SHISA6: variants seen among roughly 807,000 people sequenced by gnomAD.
SHISA6 encodes the protein protein shisa-6.
Under a neutral mutation model 47.9 loss-of-function variants are expected in SHISA6, and 22 were observed. That is an observed-to-expected ratio of 0.46 (90% confidence interval 0.33 to 0.66). The LOEUF (loss-of-function observed/expected upper bound fraction) is 0.66, where lower values mean the gene tolerates loss of function less well. Among genes scored for constraint, SHISA6 ranks in the 30% least tolerant of loss-of-function variants. The pLI is 0.02. For missense variants in SHISA6, 680 were observed against 764.6 expected (o/e 0.89, Z 1.30); for synonymous variants, 388 against 337.8 (o/e 1.15, Z -1.63).
At chr17:11,490,595 G>T (rs897767901) in intron 3 of SHISA6, among the ~76,000 whole-genome samples, 1 of 152,142 alleles carries the variant, frequency 6.6e-6, no homozygotes, top group South Asian at 2.1e-4. Flanking sequence ...GCCCACATGC[G>T]CTACTACGTT....
intron 3 of SHISA6, among the ~76,000 whole-genome samples, chr17:11,487,681 A>C (rs1447238680): frequency 6.6e-6 from 1 of 152,216 alleles, no homozygotes; most frequent in Admixed American, 6.5e-5. Context: ...GAAACATTTC[A>C]ATTTAGCAAT....
intron 3 of SHISA6, among the ~76,000 whole-genome samples, chr17:11,391,005 G>A (rs1209703690): frequency 1.3e-5 from 2 of 152,168 alleles, no homozygotes; most frequent in African/African-American, 4.8e-5. Context: ...TGAATGGACG[G>A]GTCCTAAATG....
intron 2 of SHISA6, among the ~76,000 whole-genome samples, chr17:11,347,518 A>ATT (rs1911740607): frequency 6.6e-6 from 1 of 152,222 alleles, no homozygotes; most frequent in African/African-American, 2.4e-5. Flanking sequence ...GTATTATCTT[A>ATT]TTAATACTTA....
chr17:11,444,328 T>TA lies in SHISA6; in HGVS notation c.895+64827dup, dbSNP rs550336873. Among the ~76,000 whole-genome samples the TA allele has an allele frequency of 1.7e-3, 261 of 151,162 alleles. 1 individual carries two copies. Among genetic ancestry groups the TA allele is most frequent in the Non-Finnish European group, 2.4e-3 (160 of 67,730 alleles). On this transcript the variant is annotated intron_variant, in intron 3 of 5. Coordinates refer to ENST00000441885, the MANE Select transcript of SHISA6 (RefSeq NM_207386.4). ...AGTGAGACTCCATAAAAAATAAAAG[T>TA]AAAAAAAAGAAAGAAAGGAAGGAGA...
At chr17:11,461,172 C>T (rs1036749788) in intron 3 of SHISA6, among the ~76,000 whole-genome samples, 2 of 152,158 alleles carry the variant, frequency 1.3e-5, no homozygotes, top group Non-Finnish European at 2.9e-5. Context: ...CGGAGGCAGG[C>T]GGATCACGAG....
rs1381081721 is a variant in SHISA6, at chr17:11,557,936, C to T, written c.1288C>T (p.Pro430Ser). The T allele has an allele frequency of 1.3e-6, 2 of 1,551,562 alleles. No individual in the cohort carries two copies. ...GGTCCTGTCCCCGGATCGGGGCCTG[C>T]CAGATGAGTTCAGCATGCCCTACGA... ...DRVLSPDRGL[P>S]DEFSMPYDRI... The change falls in exon 6 of 6, where the codon CCA (proline) becomes TCA (serine). Residue 430 changes from proline (P) to serine (S), a missense_variant. By Grantham distance (74) the Pro-to-Ser change is moderately conservative. Around this residue, in one of 2 missense-constraint regions of SHISA6, gnomAD observed 559 missense variants for 674.1 expected, o/e 0.83. Coordinates refer to ENST00000441885, the MANE Select transcript of SHISA6 (RefSeq NM_207386.4).
chr17:11,528,748 T>C (rs1280069065), intron 3 of SHISA6, among the ~76,000 whole-genome samples: 2 of 152,258 alleles, frequency 1.3e-5, no homozygotes, highest in South Asian at 2.1e-4. Flanking sequence ...AAGGAGATGC[T>C]TTTGGGCAAC....
intron 3 of SHISA6, among the ~76,000 whole-genome samples, chr17:11,544,961 CAA>C (rs374571214): frequency 2.7e-4 from 17 of 62,640 alleles, no homozygotes; most frequent in Non-Finnish European, 3.0e-4. Context: ...ACTCTCTCTC[CAA>C]AAAAAAAAAA....
chr17:11,473,345 T>G (rs1429122797), intron 3 of SHISA6, among the ~76,000 whole-genome samples: 1 of 152,118 alleles, frequency 6.6e-6, no homozygotes, highest in Non-Finnish European at 1.5e-5. Flanking sequence ...AGAATAGAAA[T>G]TTATTTGTTA....
chr17:11,397,895 C>T (rs373696556), intron 3 of SHISA6, among the ~76,000 whole-genome samples: 1 of 152,094 alleles, frequency 6.6e-6, no homozygotes, highest in East Asian at 1.9e-4. Flanking sequence ...TAGAGCCCCC[C>T]CTTAGGCATC....
At chr17:11,311,859 T>TC (rs1253767696) in intron 2 of SHISA6, among the ~76,000 whole-genome samples, 1 of 152,126 alleles carries the variant, frequency 6.6e-6, no homozygotes, top group East Asian at 1.9e-4. Flanking sequence ...CACTGCAAAC[T>TC]CCGTCTGCCG....
At chr17:11,316,570 G>A (rs1446150373) in intron 2 of SHISA6, among the ~76,000 whole-genome samples, 1 of 151,832 alleles carries the variant, frequency 6.6e-6, no homozygotes, top group East Asian at 1.9e-4. Flanking sequence ...ACAGGTGCGT[G>A]CCACCACGCC....
chr17:11,398,600 G>T (rs1047326417), intron 3 of SHISA6, among the ~76,000 whole-genome samples: 4 of 149,614 alleles, frequency 2.7e-5, no homozygotes, highest in Non-Finnish European at 2.9e-5. Flanking sequence ...TTGTTTTTTT[G>T]TTGTTTTTTT....
At chr17:11,275,250 C>T (rs1389255781) in intron 2 of SHISA6, among the ~76,000 whole-genome samples, 5 of 151,310 alleles carry the variant, frequency 3.3e-5, no homozygotes, top group Admixed American at 1.3e-4. Context: ...GCAAATGGCT[C>T]AGTTGTTCTA....
chr17:11,461,387 A>T (rs1210650415), intron 3 of SHISA6, among the ~76,000 whole-genome samples: 1 of 127,716 alleles, frequency 7.8e-6, no homozygotes, highest in Non-Finnish European at 1.6e-5. Flanking sequence ...ACAGAGCAAG[A>T]CTCCATCTCA....
intron 3 of SHISA6, among the ~76,000 whole-genome samples, chr17:11,537,355 C>T (rs1035056121): frequency 7.9e-5 from 12 of 151,816 alleles, no homozygotes; most frequent in African/African-American, 9.7e-5. Flanking sequence ...TACTGGGTGG[C>T]GGCGGGGGGG....
In SHISA6 at chr17:11,558,135, A is replaced by G; in HGVS notation, c.1487A>G (p.His496Arg). Reference protein sequence around the residue: ...VLDRYRMSKMHSHPSASNNSY... With the variant: ...VLDRYRMSKMRSHPSASNNSY... ...GACCGCTACCGCATGAGCAAGATGC[A>G]CTCTCATCCCAGTGCCTCCAATAAC... Residue 496 changes from histidine (H) to arginine (R), a missense_variant, in exon 6 of 6, where the codon CAC becomes CGC. His to Arg is a conservative substitution (Grantham distance 29, BLOSUM62 0). Coordinates refer to ENST00000441885, the MANE Select transcript of SHISA6 (RefSeq NM_207386.4). 1 of 1,550,944 alleles carries G rather than the reference A, an allele frequency of 6.4e-7. No individual in the cohort carries two copies. Among genetic ancestry groups the G allele is most frequent in the Non-Finnish European group, 8.7e-7 (1 of 1,146,972 alleles).
At position 11,305,926 on chromosome 17, in the gene SHISA6, A is replaced by G. The variant is rs138805324; in HGVS notation, c.799+42400A>G. On this transcript the variant is annotated intron_variant, in intron 2 of 5. Transcript: ENST00000441885. Reference sequence around the variant, plus strand: ...AAGGGAGAAGGCATTATTTGTGGGCAGTTAGTGGTCTTCACTGTCATAGTC... The same window carrying G: ...AAGGGAGAAGGCATTATTTGTGGGCGGTTAGTGGTCTTCACTGTCATAGTC... Among the ~76,000 whole-genome samples, 22 of 152,256 alleles carry G rather than the reference A, an allele frequency of 1.4e-4. No individual in the cohort carries two copies. The East Asian group carries it at 4.1e-3, about 28-fold the overall frequency.
intron 3 of SHISA6, among the ~76,000 whole-genome samples, chr17:11,392,867 G>T (rs1014519833): frequency 2.0e-5 from 3 of 152,220 alleles, no homozygotes; most frequent in Admixed American, 6.5e-5. Context: ...CCCAAGCCAG[G>T]ATCCACAAAG....
Sources: allele counts gnomAD v4.1 joint callset (sites outside exome capture counted in the v4.1 genomes callset), GRCh38; gene constraint gnomAD v4.1.1; regional missense constraint gnomAD v4.1.1; transcripts MANE v1.5; gene names NCBI Gene and HGNC (gene_info 2026-07-23, HGNC 2026-07-21).